STK32B: variants seen among roughly 807,000 people sequenced by gnomAD.
The protein encoded by STK32B is serine/threonine kinase 32B.
In STK32B, 43 loss-of-function variants were observed where a neutral mutation model predicts 52.6. That is an observed-to-expected ratio of 0.82 (90% CI 0.64 to 1.05). The LOEUF is 1.05. Among genes scored for constraint, STK32B ranks in the 50% least tolerant of loss-of-function variants. STK32B has a pLI of 0.00. For synonymous variants in STK32B, 238 were observed against 204.3 expected, an observed-to-expected ratio of 1.17 and a Z score of -1.41; for missense variants, 621 against 534.6, an observed-to-expected ratio of 1.16 and a Z score of -1.59.
intron 2 of STK32B, among the ~76,000 whole-genome samples, chr4:5,153,250 C>A (rs978349435): frequency 2.6e-5 from 4 of 152,176 alleles, no homozygotes; most frequent in Admixed American, 6.5e-5. Context: ...GTACAGGCTT[C>A]CAGATTGGGG....
intron 3 of STK32B, among the ~76,000 whole-genome samples, chr4:5,278,489 C>T (rs1425010270): frequency 1.3e-5 from 2 of 152,126 alleles, no homozygotes; most frequent in African/African-American, 2.4e-5. Context: ...ACTGTGCTTT[C>T]ATTAAAGAGT....
At chr4:5,229,032 CTAAAA>C (rs1032621199) in intron 3 of STK32B, among the ~76,000 whole-genome samples, 1 of 152,026 alleles carries the variant, frequency 6.6e-6, no homozygotes, top group African/African-American at 2.4e-5. Flanking sequence ...AGCAATGTGT[CTAAAA>C]TAACAATATA....
chr4:5,426,692 C>CAAAAAAAAAAAAA (rs746246839), intron 6 of STK32B, among the ~76,000 whole-genome samples: 30 of 77,982 alleles, frequency 3.8e-4, no homozygotes, highest in African/African-American at 5.7e-4. Context: ...TCCATCTAAA[C>CAAAAAAAAAAAAA]AAAAAAAAAA....
intron 3 of STK32B, among the ~76,000 whole-genome samples, chr4:5,320,152 A>G (rs757964633): frequency 6.6e-6 from 1 of 151,944 alleles, no homozygotes; most frequent in Non-Finnish European, 1.5e-5. Flanking sequence ...TCCCTCCCCT[A>G]TGTGTTTCTA....
intron 3 of STK32B, among the ~76,000 whole-genome samples, chr4:5,288,235 A>G (rs1026503557): frequency 5.3e-5 from 8 of 152,064 alleles, no homozygotes; most frequent in African/African-American, 1.4e-4. Context: ...CATGTTTTTC[A>G]CTTCTCTTAG....
chr4:5,366,850 C>T (rs1734910514), intron 4 of STK32B, among the ~76,000 whole-genome samples: 1 of 152,186 alleles, frequency 6.6e-6, no homozygotes, highest in Middle Eastern at 3.2e-3. Flanking sequence ...CAGTGTGTTA[C>T]AGGGTTCTAC....
chr4:5,096,591 G>A (rs959488883), intron 1 of STK32B, among the ~76,000 whole-genome samples: 5 of 152,294 alleles, frequency 3.3e-5, no homozygotes, highest in Admixed American at 6.5e-5. Context: ...CTTTGAATTC[G>A]AGGTGTGCCT....
At chr4:5,420,765 C>G (rs2109076661) in intron 6 of STK32B, among the ~76,000 whole-genome samples, 1 of 152,312 alleles carries the variant, frequency 6.6e-6, no homozygotes, top group East Asian at 1.9e-4. Flanking sequence ...AGGGCAGCAG[C>G]TCCCATTAGA....
intron 1 of STK32B, among the ~76,000 whole-genome samples, chr4:5,105,626 G>C (rs893231870): frequency 1.9e-4 from 29 of 151,798 alleles, no homozygotes; most frequent in South Asian, 6.3e-4. Context: ...TGTAGTGGCG[G>C]GATCTTGGCT....
chr4:5,483,551 T>C (rs1383304040), intron 11 of STK32B, among the ~76,000 whole-genome samples: 7 of 152,174 alleles, frequency 4.6e-5, no homozygotes, highest in Admixed American at 3.9e-4. Context: ...CCTGGATTCA[T>C]TGATTTTTTG....
chr4:5,369,655 C>G (rs1389688232), intron 4 of STK32B, among the ~76,000 whole-genome samples: 1 of 152,150 alleles, frequency 6.6e-6, no homozygotes, highest in Non-Finnish European at 1.5e-5. Context: ...TGTTTCTGCT[C>G]TACCCTCATG....
At chr4:5,419,718 T>A (rs1364192498) in intron 6 of STK32B, among the ~76,000 whole-genome samples, 2 of 152,206 alleles carry the variant, frequency 1.3e-5, no homozygotes, top group African/African-American at 4.8e-5. Flanking sequence ...TTGAGGGTTG[T>A]AAGGAGAACT....
intron 3 of STK32B, among the ~76,000 whole-genome samples, chr4:5,204,711 G>A (rs1259534909): frequency 6.6e-5 from 10 of 151,910 alleles, no homozygotes; most frequent in African/African-American, 2.2e-4. Flanking sequence ...CTTGTGATCT[G>A]CCCGCCTCAG....
intron 4 of STK32B, among the ~76,000 whole-genome samples, chr4:5,353,926 G>A (rs188129205): frequency 1.3e-5 from 2 of 152,322 alleles, no homozygotes; most frequent in Admixed American, 6.5e-5. Flanking sequence ...AAGGGATACA[G>A]GCATGCCAAT....
intron 11 of STK32B, among the ~76,000 whole-genome samples, chr4:5,486,091 A>G (rs538251925): frequency 6.6e-6 from 1 of 152,166 alleles, no homozygotes; most frequent in African/African-American, 2.4e-5. Context: ...GCGTGCTGGG[A>G]GGACCACTAC....
rs777375854 is a variant in STK32B at position 5,446,747 on chromosome 4, A to G, written c.637A>G (p.Ile213Val). The change falls in exon 7 of 12, where the codon ATC becomes GTC. Residue 213 changes from isoleucine to valine, a missense_variant. Transcript: ENST00000282908. ...SYPVDWWSLG[I>V]TAYELLRGWR... The stretch of plus-strand genomic sequence containing the variant: ...CCCTGTCGACTGGTGGTCCCTGGGC[A>G]TCACAGCCTATGAGCTGCTGCGGGG... 2.5e-6 allele frequency: 4 copies of G among 1,614,018 alleles called. No individual in the cohort carries two copies. In the South Asian group the frequency reaches 4.4e-5, roughly 18 times the overall value.
intron 3 of STK32B, among the ~76,000 whole-genome samples, chr4:5,191,090 C>T (rs1721163688): frequency 2.0e-5 from 3 of 152,156 alleles, no homozygotes; most frequent in Non-Finnish European, 4.4e-5. Context: ...TGACCTTTTC[C>T]TTCTCTGGCC....
At chr4:5,051,986 C>T in intron 1 of STK32B, 71 bp downstream of exon 1, 1 of 1,545,746 alleles carries the variant, frequency 6.5e-7, no homozygotes, top group South Asian at 1.2e-5. Context: ...CGGCCGAGCC[C>T]TGCGGGGCAC....
At chr4:5,371,757 G>T (rs1386153514) in intron 4 of STK32B, among the ~76,000 whole-genome samples, 1 of 152,232 alleles carries the variant, frequency 6.6e-6, no homozygotes, top group African/African-American at 2.4e-5. Context: ...AATAAACAGT[G>T]CATCTGTGAA....
Sources: gnomAD v4.1 joint callset for allele counts (sites outside exome capture counted in the v4.1 genomes callset) on GRCh38, gnomAD v4.1.1 for gene constraint, MANE v1.5 for transcripts, NCBI Gene and HGNC (gene_info 2026-07-23, HGNC 2026-07-21) for gene names.